The following TNS3 variants were observed in gnomAD, a reference collection of about 807,000 sequenced individuals.
TNS3 encodes the protein tensin-3.
Under a neutral mutation model 140.9 loss-of-function variants are expected in TNS3, and 45 were observed. The observed-to-expected ratio is 0.32, with a 90% CI of 0.25 to 0.41. The LOEUF (loss-of-function observed/expected upper bound fraction) is 0.41. Among genes scored for constraint, TNS3 ranks in the 10% least tolerant of loss-of-function variants. TNS3 has a pLI of 1.00. For synonymous variants in TNS3, 815 were observed against 788.4 expected, an observed-to-expected ratio of 1.03 and a Z score of -0.56; for missense variants, 1,716 against 1,906.7, an observed-to-expected ratio of 0.90 and a Z score of 1.86.
At chr7:47,453,097 G>A (rs1476603408) in intron 4 of TNS3, 1 of 985,554 alleles carries the variant, frequency 1.0e-6, no homozygotes, top group African/African-American at 1.7e-5. Context: ...TAGCCCACCA[G>A]GTGGGAGAGC....
intron 5 of TNS3, among the ~76,000 whole-genome samples, chr7:47,440,083 G>A (rs1297946876): frequency 6.6e-6 from 1 of 152,098 alleles, no homozygotes; most frequent in African/African-American, 2.4e-5. Context: ...GCACGAGGGG[G>A]CACCGGGAGG....
intron 2 of TNS3, among the ~76,000 whole-genome samples, chr7:47,518,772 T>C (rs1483854777): frequency 1.3e-5 from 2 of 152,220 alleles, no homozygotes; most frequent in Non-Finnish European, 2.9e-5. Flanking sequence ...AATCTGATCC[T>C]CACACAACCC....
chr7:47,306,613 C>T (rs189832185), intron 20 of TNS3, among the ~76,000 whole-genome samples: 5 of 151,398 alleles, frequency 3.3e-5, no homozygotes, highest in South Asian at 2.1e-4. Context: ...CTCGCTCTGT[C>T]GCCCAGACTG....
chr7:47,498,273 C>T (rs1382231660), intron 3 of TNS3, among the ~76,000 whole-genome samples: 3 of 152,234 alleles, frequency 2.0e-5, no homozygotes, highest in Non-Finnish European at 2.9e-5. Context: ...CCCATGTAAC[C>T]ACAGTGCCAT....
chr7:47,480,954 T>G (rs909186320), intron 4 of TNS3, 149 bp downstream of exon 4: 1 of 453,334 alleles, frequency 2.2e-6, no homozygotes, highest in South Asian at 2.0e-5. Context: ...GGACCTCAGA[T>G]AGAGCCTTGT....
chr7:47,456,189 C>A (rs2151660384), intron 4 of TNS3, among the ~76,000 whole-genome samples: 1 of 152,314 alleles, frequency 6.6e-6, no homozygotes. Context: ...CAGACAGCTG[C>A]TGACCTGGAC....
intron 13 of TNS3, among the ~76,000 whole-genome samples, chr7:47,404,203 G>C (rs1300241845): frequency 2.0e-5 from 3 of 152,178 alleles, no homozygotes; most frequent in Non-Finnish European, 2.9e-5. Flanking sequence ...TGCTATCATA[G>C]AGCCAACCAC....
Position 47,346,330 on chromosome 7 carries a change from C to G in TNS3, c.2308G>C (p.Gly770Arg), listed in dbSNP as rs757596115. 1 of 1,614,192 alleles carries G rather than the reference C, an allele frequency of 6.2e-7. No individual in the cohort carries two copies. The highest frequency in any genetic ancestry group is 1.1e-5 in the South Asian group (1 of 91,086). Residue 770 changes from glycine to arginine, a missense_variant, in exon 18 of 31, where the codon GGG becomes CGG. Gly to Arg is a moderately radical substitution (Grantham distance 125). This residue lies in a region of TNS3 where 1,163 missense variants were observed against 1,182.1 expected (regional missense o/e 0.98). Coordinates refer to ENST00000311160, the MANE Select transcript of TNS3 (RefSeq NM_022748.12). Reference sequence around the variant, plus strand: ...CCCAGGCTCAGCTTCCTGAGTCTCCCGCCCAGGGGCTGTTCAGCAGAGGAG... The same window carrying G: ...CCCAGGCTCAGCTTCCTGAGTCTCCGGCCCAGGGGCTGTTCAGCAGAGGAG... ...QGSSAEQPLGGRLRKLSLGQY... is the reference protein window; with the variant it reads ...QGSSAEQPLGRRLRKLSLGQY...
At chr7:47,352,546 A>G (rs750037012) in intron 17 of TNS3, among the ~76,000 whole-genome samples, 6 of 152,156 alleles carry the variant, frequency 3.9e-5, no homozygotes, top group African/African-American at 7.2e-5. Context: ...ACCTGTGTCA[A>G]ACAAGCCCTT....
intron 7 of TNS3, 108 bp from the exon 8 acceptor site, chr7:47,435,512 A>T: frequency 1.3e-6 from 2 of 1,507,684 alleles, no homozygotes; most frequent in Non-Finnish European, 1.8e-6. Context: ...GGAGTAAAGA[A>T]CATGCTGGGT....
At chr7:47,295,755 GT>G (rs753290021) in intron 24 of TNS3, among the ~76,000 whole-genome samples, 3 of 151,982 alleles carry the variant, frequency 2.0e-5, no homozygotes, top group African/African-American at 4.8e-5. Context: ...ACCCATCTAT[GT>G]TTCCCGGAAA....
At position 47,294,881 on chromosome 7, in the gene TNS3, G is replaced by A. The variant is rs753316607; in HGVS notation, c.3677-1053C>T. 3.3e-5 allele frequency among the ~76,000 whole-genome samples: 5 copies of A among 152,314 alleles called. 1 individual carries two copies. The Middle Eastern group carries it at 0.014, about 414-fold the overall frequency. On this transcript the variant is annotated intron_variant, in intron 24 of 30. Coordinates refer to ENST00000311160, the MANE Select transcript of TNS3 (RefSeq NM_022748.12). ...CCAAACTGAAGGGGACACCAAGCGT[G>A]GGTCTGGATTCCACTTGTGAGAAAT...
At chr7:47,566,183 C>G (rs1215718950) in intron 1 of TNS3, among the ~76,000 whole-genome samples, 1 of 152,196 alleles carries the variant, frequency 6.6e-6, no homozygotes, top group Non-Finnish European at 1.5e-5. Context: ...CAGGACCTCA[C>G]TGTGAGAACT....
intron 3 of TNS3, among the ~76,000 whole-genome samples, chr7:47,496,821 C>T (rs115815071): frequency 6.4e-4 from 97 of 152,270 alleles, no homozygotes; most frequent in African/African-American, 1.8e-3. Context: ...CTGGCTGCAG[C>T]GATGTGGGCC....
At chr7:47,430,487 G>A (rs1307291355) in intron 8 of TNS3, among the ~76,000 whole-genome samples, 1 of 151,922 alleles carries the variant, frequency 6.6e-6, no homozygotes. Context: ...AACCGTACGG[G>A]ACTTCAGTAC....
chr7:47,558,674 C>T (rs920260454), intron 1 of TNS3, among the ~76,000 whole-genome samples: 5 of 152,118 alleles, frequency 3.3e-5, no homozygotes, highest in African/African-American at 9.7e-5. Flanking sequence ...AGGTTTCCCA[C>T]GCATGAGGAG....
At chr7:47,582,381 A>C (rs1329566225), upstream of TNS3, 1 of 455,724 alleles carries the variant, frequency 2.2e-6, no homozygotes. Context: ...CCAGGCTCCA[A>C]GTGGTCTGGA....
At chr7:47,309,774 A>G (rs993292016) in intron 20 of TNS3, among the ~76,000 whole-genome samples, 8 of 152,254 alleles carry the variant, frequency 5.3e-5, no homozygotes, top group African/African-American at 1.7e-4. Context: ...TATCTATCAA[A>G]GATGGCCACA....
At position 47,275,861 on chromosome 7, in the gene TNS3, C is replaced by T; in HGVS notation, c.*2215G>A. The T allele has an allele frequency of 2.2e-6, 1 of 456,012 alleles. No individual in the cohort carries two copies. The highest frequency in any genetic ancestry group is 4.4e-6 in the Non-Finnish European group (1 of 226,784). The allele number at this position is 456,012 out of a possible 1,614,324, so 28.2% of individuals were successfully genotyped here. A position where few individuals can be genotyped will look rare whatever the true frequency, so the allele number is the denominator to read the frequency against. On this transcript the variant is annotated 3_prime_UTR_variant, in exon 31 of 31. Coordinates refer to ENST00000311160, the MANE Select transcript of TNS3 (RefSeq NM_022748.12). ...CCGTCGAGGCATGGCTTCATGAGGG[C>T]CATCGCGGGCACCCCGATGTCTCTG... is the stretch of plus-strand genomic sequence containing the variant.
Sources: allele counts gnomAD v4.1 joint callset (sites outside exome capture counted in the v4.1 genomes callset), GRCh38; gene constraint gnomAD v4.1.1; regional missense constraint gnomAD v4.1.1; transcripts MANE v1.5; gene names NCBI Gene and HGNC (gene_info 2026-07-23, HGNC 2026-07-21).